TIAM2: variants seen among roughly 807,000 people sequenced by gnomAD.
TIAM2 encodes TIAM Rac1 associated GEF 2.
TIAM2 carries 80 observed loss-of-function variants against 152.9 expected under a neutral mutation model. That is an observed-to-expected ratio of 0.52 (90% CI 0.44 to 0.63). The LOEUF (loss-of-function observed/expected upper bound fraction) is 0.63, where lower values mean the gene tolerates loss of function less well. TIAM2 is among the 30% of genes least tolerant of loss of function. The probability of loss-of-function intolerance (pLI) is 0.00; values close to 1 mark genes in which losing one functional copy is unlikely to be tolerated. For synonymous variants in TIAM2, 804 were observed against 838.0 expected, an observed-to-expected ratio of 0.96 and a Z score of 0.70; for missense variants, 1,965 against 2,120.1, an observed-to-expected ratio of 0.93 and a Z score of 1.44.
chr6:155,143,495 G>A (rs1779757387), intron 5 of TIAM2, among the ~76,000 whole-genome samples: 1 of 150,900 alleles, frequency 6.6e-6, no homozygotes, highest in Non-Finnish European at 1.5e-5. Context: ...TTCTCCCTTA[G>A]CCTAAGTAAT....
intron 14 of TIAM2, among the ~76,000 whole-genome samples, chr6:155,205,182 TAAAAAAAAAA>T (rs61272546): frequency 2.3e-3 from 94 of 40,516 alleles, no homozygotes; most frequent in African/African-American, 8.6e-3. Context: ...TATTAATTTC[TAAAAAAAAAA>T]AAAAAAAAAA....
intron 16 of TIAM2, among the ~76,000 whole-genome samples, chr6:155,241,261 A>G (rs1783019488): frequency 6.6e-6 from 1 of 152,200 alleles, no homozygotes; most frequent in African/African-American, 2.4e-5. Flanking sequence ...TCCATCTCAT[A>G]AGCCCCCAGT....
At chr6:155,040,519 TTTG>T (rs919990804) in intron 1 of TIAM2, among the ~76,000 whole-genome samples, 10 of 152,008 alleles carry the variant, frequency 6.6e-5, no homozygotes, top group African/African-American at 1.9e-4. Context: ...ATTCTTTTTT[TTTG>T]TTGTTGTTGT....
intron 1 of TIAM2, among the ~76,000 whole-genome samples, chr6:155,056,448 A>G (rs754838934): frequency 1.6e-4 from 24 of 152,054 alleles, no homozygotes; most frequent in Non-Finnish European, 2.6e-4. Flanking sequence ...CTGGGATTAC[A>G]GGCGTGAGCC....
At position 155,168,760 on chromosome 6, in the gene TIAM2, T is replaced by C. The variant is rs1780503762; in HGVS notation, c.2361+3351T>C. Reference sequence around the variant, plus strand: ...GCTCTTCTAAAATGTTATAGAACTTTAGTTTTTAAATAATGAAAAAGGGTA... The same window carrying C: ...GCTCTTCTAAAATGTTATAGAACTTCAGTTTTTAAATAATGAAAAAGGGTA... On this transcript the variant is annotated intron_variant, in intron 9 of 26. Coordinates refer to ENST00000682666, the MANE Select transcript of TIAM2 (RefSeq NM_012454.4). 4.4e-6 allele frequency: 5 copies of C among 1,139,216 alleles called. No homozygotes were observed. The South Asian group carries it at 7.8e-5, about 18-fold the overall frequency. 70.6% of individuals were successfully genotyped at this position (1,139,216 alleles called of 1,614,324 possible). A position where few individuals can be genotyped will look rare whatever the true frequency, so the allele number is the denominator to read the frequency against.
chr6:155,230,430 T>G (rs947921733), intron 15 of TIAM2, among the ~76,000 whole-genome samples: 4 of 152,220 alleles, frequency 2.6e-5, no homozygotes, highest in Admixed American at 6.5e-5. Flanking sequence ...TGTCCTTGCT[T>G]CAACCAGAGT....
intron 1 of TIAM2, among the ~76,000 whole-genome samples, chr6:154,996,681 C>T (rs908255687): frequency 3.3e-5 from 5 of 152,100 alleles, no homozygotes; most frequent in Non-Finnish European, 7.4e-5. Flanking sequence ...AAAAAGTGTC[C>T]ATGGTTTTAT....
chr6:155,249,719 G>C (rs770432061), intron 20 of TIAM2, 132 bp from the exon 21 acceptor site: 38 of 650,124 alleles, frequency 5.8e-5, no homozygotes, highest in Non-Finnish European at 9.4e-5. Context: ...GACTTATTCT[G>C]AATGTAATGC....
chr6:155,037,271 C>T (rs1442200991), intron 1 of TIAM2, among the ~76,000 whole-genome samples: 1 of 152,184 alleles, frequency 6.6e-6, no homozygotes, highest in African/African-American at 2.4e-5. Context: ...GCTTCAATGA[C>T]ATAAAGAAGT....
intron 1 of TIAM2, among the ~76,000 whole-genome samples, chr6:155,058,643 C>A (rs1777503187): frequency 6.6e-6 from 1 of 152,166 alleles, no homozygotes; most frequent in African/African-American, 2.4e-5. Context: ...GTCTCTTTCA[C>A]CAGTGAGCAA....
At chr6:155,241,657 T>A (rs935673343) in intron 16 of TIAM2, among the ~76,000 whole-genome samples, 1 of 152,166 alleles carries the variant, frequency 6.6e-6, no homozygotes, top group Non-Finnish European at 1.5e-5. Flanking sequence ...AAGGCCCTAT[T>A]CACAGGTAGC....
Position 155,148,332 on chromosome 6 carries a change from C to A in TIAM2, c.2026C>A (p.Gln676Lys). ...DPKNRKAIEN[Q>K]IQQWEQNLEK... ...AAAGAACAGGAAAGCCATAGAGAAC[C>A]AGGTACTGTTTGTCTACACCTGAGT... The change falls in exon 7 of 27, where the codon CAG (glutamine) becomes AAG (lysine). Residue 676 changes from glutamine to lysine, a missense_variant and splice_region_variant. Transcript: ENST00000682666. 6.2e-7 allele frequency: 1 copy of A among 1,611,028 alleles called. No individual in the cohort carries two copies. The highest frequency in any genetic ancestry group is 1.1e-5 in the South Asian group (1 of 90,698).
At chr6:155,064,376 A>C (rs148546377) in intron 1 of TIAM2, among the ~76,000 whole-genome samples, 17 of 152,340 alleles carry the variant, frequency 1.1e-4, no homozygotes, top group African/African-American at 3.1e-4. Flanking sequence ...AAAAGCACAC[A>C]ATCTCATAAA....
intron 2 of TIAM2, among the ~76,000 whole-genome samples, chr6:155,104,021 A>C (rs1183502557): frequency 7.3e-6 from 1 of 136,612 alleles, no homozygotes; most frequent in African/African-American, 3.1e-5. Context: ...CTTCTTCTGT[A>C]TTTACCTCAC....
intron 14 of TIAM2, among the ~76,000 whole-genome samples, chr6:155,187,367 G>A (rs1286400105): frequency 6.6e-6 from 1 of 152,070 alleles, no homozygotes; most frequent in African/African-American, 2.4e-5. Context: ...TGCTATTAAG[G>A]TTCTGCTTTT....
chr6:155,251,240 GTGTTA>G (rs1783638250), intron 22 of TIAM2, among the ~76,000 whole-genome samples: 2 of 152,232 alleles, frequency 1.3e-5, no homozygotes, highest in African/African-American at 4.8e-5. Context: ...CTCAGGCCAA[GTGTTA>G]CAGGAACAGA....
intron 2 of TIAM2, among the ~76,000 whole-genome samples, chr6:155,122,781 G>A (rs1366436807): frequency 1.3e-5 from 2 of 151,840 alleles, no homozygotes; most frequent in African/African-American, 4.8e-5. Context: ...ACCTTCACAG[G>A]GGTTGCTGCG....
chr6:155,199,931 A>T (rs544219313), intron 14 of TIAM2, among the ~76,000 whole-genome samples: 18 of 152,352 alleles, frequency 1.2e-4, no homozygotes, highest in Middle Eastern at 6.8e-3. Context: ...TGGGTAAATC[A>T]AGGTATAGAG....
chr6:155,165,660 C>T (rs764574283), intron 9 of TIAM2, among the ~76,000 whole-genome samples: 2 of 152,076 alleles, frequency 1.3e-5, no homozygotes, highest in East Asian at 1.9e-4. Context: ...TGGTGGTGTG[C>T]GCCTATAGTC....
Sources: allele counts gnomAD v4.1 joint callset (sites outside exome capture counted in the v4.1 genomes callset), GRCh38; gene constraint gnomAD v4.1.1; transcripts MANE v1.5; gene names NCBI Gene and HGNC (gene_info 2026-07-23, HGNC 2026-07-21).